The following CDH8 variants were observed in gnomAD, a reference collection of about 807,000 sequenced individuals.
CDH8 encodes cadherin-8.
CDH8 carries 17 observed loss-of-function variants against 68.1 expected under a neutral mutation model. That is an observed-to-expected ratio of 0.25 (90% CI 0.17 to 0.37). The LOEUF (loss-of-function observed/expected upper bound fraction) is 0.37, where lower values mean the gene tolerates loss of function less well. CDH8 is among the 10% of genes least tolerant of loss of function. The pLI, the probability that CDH8 is intolerant of heterozygous loss-of-function variation, is 1.00. For missense variants in CDH8, 763 were observed against 999.3 expected, an observed-to-expected ratio of 0.76 and a Z score of 3.19; for synonymous variants, 372 against 365.1, an observed-to-expected ratio of 1.02 and a Z score of -0.21.
At chr16:61,939,190 C>G (rs768945706) in intron 2 of CDH8, among the ~76,000 whole-genome samples, 1 of 152,084 alleles carries the variant, frequency 6.6e-6, no homozygotes, top group African/African-American at 2.4e-5. Flanking sequence ...AAGATGAAGA[C>G]GGATAACAAA....
intron 9 of CDH8, among the ~76,000 whole-genome samples, chr16:61,718,784 T>C (rs1310552440): frequency 6.6e-6 from 1 of 151,226 alleles, no homozygotes; most frequent in African/African-American, 2.4e-5. Context: ...GGAAAGGTCG[T>C]AGCTTTTATC....
At chr16:61,815,839 C>G (rs1198915234) in intron 7 of CDH8, among the ~76,000 whole-genome samples, 4 of 152,014 alleles carry the variant, frequency 2.6e-5, no homozygotes, top group Non-Finnish European at 5.9e-5. Flanking sequence ...AATTGAGAAA[C>G]ATAGGAACAG....
chr16:61,999,483 A>C (rs1378241471), intron 2 of CDH8, among the ~76,000 whole-genome samples: 1 of 152,212 alleles, frequency 6.6e-6, no homozygotes, highest in Non-Finnish European at 1.5e-5. Flanking sequence ...GGAGCTAGAT[A>C]GATGAATGTT....
intron 2 of CDH8, among the ~76,000 whole-genome samples, chr16:61,988,703 T>A (rs1199466273): frequency 6.6e-6 from 1 of 152,248 alleles, no homozygotes; most frequent in Admixed American, 6.5e-5. Flanking sequence ...ATGTTTGTTA[T>A]AACACAGTTG....
At chr16:61,960,297 G>A (rs146326562) in intron 2 of CDH8, among the ~76,000 whole-genome samples, 1 of 78,350 alleles carries the variant, frequency 1.3e-5, no homozygotes, top group Non-Finnish European at 2.2e-5. Flanking sequence ...ATATATACGT[G>A]TGTGTGTATA....
chr16:61,898,307 AAAG>A (rs907247931), intron 3 of CDH8, among the ~76,000 whole-genome samples: 39 of 152,258 alleles, frequency 2.6e-4, no homozygotes, highest in African/African-American at 9.1e-4. Flanking sequence ...CTCAAAAAAA[AAAG>A]AAGTAGTAAT....
At chr16:61,885,341 G>A (rs774206798) in intron 3 of CDH8, among the ~76,000 whole-genome samples, 11 of 152,154 alleles carry the variant, frequency 7.2e-5, no homozygotes, top group Non-Finnish European at 1.3e-4. Flanking sequence ...AAACTTGAAT[G>A]CAGAATTTAA....
Position 61,653,848 on chromosome 16 carries a change from A to C in CDH8, c.2160T>G (p.Asp720Glu), listed in dbSNP as rs745535803. Residue 720 changes from aspartate to glutamate, a missense_variant, in exon 12 of 12, where the codon GAT becomes GAG. By Grantham distance (45) the Asp-to-Glu change is conservative. Transcript: ENST00000577390. ...GCCTTACATTTATAAATTCATCGAC[A>C]TCAACACCATTTGGAACTGGAGCAA... ...QGLAPVPNGV[D>E]VDEFINVRLH... The C allele has an allele frequency of 1.2e-6, 2 of 1,614,202 alleles. No homozygotes were observed. Among genetic ancestry groups the C allele is most frequent in the Non-Finnish European group, 1.7e-6 (2 of 1,180,046 alleles).
chr16:61,854,588 C>G (rs937371693), intron 4 of CDH8, among the ~76,000 whole-genome samples: 2 of 152,092 alleles, frequency 1.3e-5, no homozygotes, highest in African/African-American at 2.4e-5. Context: ...CTATCTCTGT[C>G]TCAGCATTCT....
chr16:61,748,256 T>C (rs1458463174), intron 8 of CDH8, among the ~76,000 whole-genome samples: 1 of 152,014 alleles, frequency 6.6e-6, no homozygotes, highest in East Asian at 1.9e-4. Context: ...TAAGATTACA[T>C]GCTGTTTATT....
chr16:61,867,350 T>G (rs1373686536), intron 3 of CDH8, among the ~76,000 whole-genome samples: 3 of 152,160 alleles, frequency 2.0e-5, no homozygotes, highest in Non-Finnish European at 4.4e-5. Context: ...GGTTAGAAGA[T>G]TCTTGCTTTC....
At chr16:61,845,000 G>C (rs1962773745) in intron 4 of CDH8, among the ~76,000 whole-genome samples, 1 of 152,154 alleles carries the variant, frequency 6.6e-6, no homozygotes, top group African/African-American at 2.4e-5. Context: ...AGAGAGCAAA[G>C]TTAATTGTAT....
chr16:61,675,098 G>A (rs1013288470), intron 10 of CDH8, among the ~76,000 whole-genome samples: 1 of 152,012 alleles, frequency 6.6e-6, no homozygotes, highest in African/African-American at 2.4e-5. Context: ...TGAATAATAG[G>A]TTAAAGGAAG....
intron 2 of CDH8, among the ~76,000 whole-genome samples, chr16:61,961,350 C>T (rs537673446): frequency 6.6e-6 from 1 of 152,026 alleles, no homozygotes; most frequent in Non-Finnish European, 1.5e-5. Flanking sequence ...TCACATCATT[C>T]GCCCACTGAA....
Position 61,978,476 on chromosome 16 carries a change from A to G in CDH8, c.252+42676T>C, listed in dbSNP as rs182516849. Among the ~76,000 whole-genome samples the G allele has an allele frequency of 3.7e-3, 563 of 152,310 alleles. 3 individuals carry two copies. The highest frequency in any genetic ancestry group is 0.013 in the African/African-American group (535 of 41,564). On this transcript the variant is annotated intron_variant, in intron 2 of 11. Transcript: ENST00000577390. ...AATAAAATGCTTGATGTTTGCTTCA[A>G]ACTAGTCTCCTGAAATTGAATAATT...
At chr16:61,934,361 G>T (rs1236165159) in intron 2 of CDH8, 1 of 152,160 alleles carries the variant, frequency 6.6e-6, no homozygotes, top group Non-Finnish European at 1.5e-5. Flanking sequence ...GAGGCCTTGG[G>T]TAAGTTGTAA....
Position 61,801,297 on chromosome 16 carries a change from A to C in CDH8, c.1278-11815T>G, listed in dbSNP as rs374890917. Among the ~76,000 whole-genome samples the C allele has an allele frequency of 5.3e-5, 8 of 152,320 alleles. No individual in the cohort carries two copies. The East Asian group carries it at 1.2e-3, about 22-fold the overall frequency. On this transcript the variant is annotated intron_variant, in intron 7 of 11. Coordinates refer to ENST00000577390, the MANE Select transcript of CDH8 (RefSeq NM_001796.5). ...ACACTGATAATATTTCAGGCAACTT[A>C]ACTTGCCACTATGAGGTTTGCATCT...
In CDH8 at chr16:61,978,423, GT is replaced by G. The variant is rs539290958; in HGVS notation, c.252+42728del. The stretch of plus-strand genomic sequence containing the variant: ...TTGGTAATAGTAGTGGTAGGGTTTT[GT>G]TTTTGTATAGCAAACACATTTATCC... On this transcript the variant is annotated intron_variant, in intron 2 of 11. Coordinates refer to ENST00000577390, the MANE Select transcript of CDH8 (RefSeq NM_001796.5). Among the ~76,000 whole-genome samples, 6 of 152,250 alleles carry G rather than the reference GT, an allele frequency of 3.9e-5. No individual in the cohort carries two copies. The South Asian group carries it at 1.2e-3, about 32-fold the overall frequency.
At chr16:61,855,889 T>C (rs1431937822) in intron 4 of CDH8, among the ~76,000 whole-genome samples, 1 of 152,094 alleles carries the variant, frequency 6.6e-6, no homozygotes, top group Admixed American at 6.6e-5. Context: ...GGGACCCAAA[T>C]GAGAAAAAGT....
Sources: allele counts gnomAD v4.1 joint callset (sites outside exome capture counted in the v4.1 genomes callset), GRCh38; gene constraint gnomAD v4.1.1; transcripts MANE v1.5; gene names NCBI Gene and HGNC (gene_info 2026-07-23, HGNC 2026-07-21).